The following UBE3A variants were observed in gnomAD, a reference collection of about 807,000 sequenced individuals.
UBE3A encodes ubiquitin-protein ligase E3A.
UBE3A carries 6 observed loss-of-function variants against 83.4 expected under a neutral mutation model. That is an observed-to-expected ratio of 0.07 (90% CI 0.04 to 0.14). UBE3A has a LOEUF of 0.14. UBE3A is among the 10% of genes least tolerant of loss of function. The pLI, the probability that UBE3A is intolerant of heterozygous loss-of-function variation, is 1.00. For missense variants in UBE3A, 456 were observed against 1,036.1 expected (o/e 0.44, Z 7.69); for synonymous variants, 337 against 355.4 (o/e 0.95, Z 0.58).
At chr15:25,409,897 T>G (rs1374233708) in intron 2 of UBE3A, among the ~76,000 whole-genome samples, 1 of 151,274 alleles carries the variant, frequency 6.6e-6, no homozygotes, top group Non-Finnish European at 1.5e-5. Flanking sequence ...TAAAGTCATT[T>G]AACATCAGTC....
chr15:25,373,395 T>C (rs1473329358), intron 5 of UBE3A: 1 of 152,198 alleles, frequency 6.6e-6, no homozygotes, highest in Admixed American at 6.5e-5. Context: ...TGTTGATATG[T>C]CATGCTTTCG....
At chr15:25,381,363 G>C (rs551260595) in intron 4 of UBE3A, among the ~76,000 whole-genome samples, 5 of 152,300 alleles carry the variant, frequency 3.3e-5, no homozygotes, top group African/African-American at 1.2e-4. Context: ...GCCAGAAAGT[G>C]AAGATGTGAC....
intron 4 of UBE3A, among the ~76,000 whole-genome samples, chr15:25,377,403 A>C (rs1375303010): frequency 6.6e-6 from 1 of 152,246 alleles, no homozygotes; most frequent in Non-Finnish European, 1.5e-5. Flanking sequence ...CATAAACATG[A>C]CTTAAAGACA....
intron 4 of UBE3A, among the ~76,000 whole-genome samples, chr15:25,399,090 A>G (rs2086460526): frequency 6.6e-6 from 1 of 151,462 alleles, no homozygotes; most frequent in Non-Finnish European, 1.5e-5. Context: ...TTCCTTATAT[A>G]TTTTGCATAT....
At chr15:25,403,186 G>C (rs1237268517) in intron 4 of UBE3A, among the ~76,000 whole-genome samples, 2 of 152,082 alleles carry the variant, frequency 1.3e-5, no homozygotes, top group African/African-American at 4.8e-5. Context: ...GTCACTCAGT[G>C]GAATGAGATT....
At chr15:25,349,585 C>A (rs2152611918) in intron 11 of UBE3A, among the ~76,000 whole-genome samples, 1 of 152,222 alleles carries the variant, frequency 6.6e-6, no homozygotes, top group South Asian at 2.1e-4. Flanking sequence ...GCAAATAGTA[C>A]TGAACCCTGT....
intron 11 of UBE3A, among the ~76,000 whole-genome samples, chr15:25,353,771 A>C (rs938147657): frequency 6.6e-6 from 1 of 152,162 alleles, no homozygotes; most frequent in African/African-American, 2.4e-5. Context: ...TATGTCTTTC[A>C]GAATTGGATG....
At chr15:25,436,552 G>A (rs1895143959) in intron 1 of UBE3A, among the ~76,000 whole-genome samples, 2 of 152,170 alleles carry the variant, frequency 1.3e-5, no homozygotes, top group South Asian at 4.2e-4. Flanking sequence ...TTTTTTGGAG[G>A]GGAGAGGGAG....
At chr15:25,400,019 T>C (rs545829672) in intron 4 of UBE3A, among the ~76,000 whole-genome samples, 90 of 152,362 alleles carry the variant, frequency 5.9e-4, no homozygotes, top group African/African-American at 2.1e-3. Context: ...TGGTTCCATA[T>C]AAATTTTAGC....
At chr15:25,417,829 T>A (rs1887670628) in intron 1 of UBE3A, 1 of 147,482 alleles carries the variant, frequency 6.8e-6, no homozygotes, top group African/African-American at 2.5e-5. Flanking sequence ...GAAAGAGGAG[T>A]AAAGGTGGTA....
At chr15:25,409,666 T>C (rs1194933793) in intron 2 of UBE3A, among the ~76,000 whole-genome samples, 1 of 152,196 alleles carries the variant, frequency 6.6e-6, no homozygotes, top group Admixed American at 6.5e-5. Flanking sequence ...TGGCTTAGTT[T>C]TGCTATACTG....
intron 1 of UBE3A, among the ~76,000 whole-genome samples, chr15:25,431,500 G>A (rs28536157): frequency 0.028 from 4,272 of 152,084 alleles, 209 homozygotes; most frequent in African/African-American, 0.096. Context: ...GTGCCACCAC[G>A]CCTAGCTAAT....
chr15:25,377,498 A>G (rs937526269), intron 4 of UBE3A, among the ~76,000 whole-genome samples: 4 of 152,212 alleles, frequency 2.6e-5, no homozygotes, highest in African/African-American at 9.6e-5. Context: ...TATGAAAGTG[A>G]AAACATGTAA....
intron 4 of UBE3A, among the ~76,000 whole-genome samples, chr15:25,390,201 T>C (rs1233029969): frequency 1.3e-5 from 2 of 152,156 alleles, no homozygotes; most frequent in Non-Finnish European, 2.9e-5. Context: ...TGGTGAAAAA[T>C]GTAAAAGGAT....
chr15:25,383,002 AC>A (rs1179154548), intron 4 of UBE3A, among the ~76,000 whole-genome samples: 2 of 152,076 alleles, frequency 1.3e-5, no homozygotes, highest in African/African-American at 4.8e-5. Flanking sequence ...AAAACTAACA[AC>A]CCTTCTCAAA....
intron 4 of UBE3A, among the ~76,000 whole-genome samples, chr15:25,398,290 T>C (rs1489948034): frequency 1.3e-5 from 2 of 151,936 alleles, no homozygotes; most frequent in Non-Finnish European, 2.9e-5. Context: ...AATTAATACA[T>C]GCAATACCTC....
rs1328439033 is a variant in UBE3A at position 25,438,813 on chromosome 15, G to C, written c.-489C>G. 6.6e-6 allele frequency: 1 copy of C among 152,588 alleles called. No homozygotes were observed. The allele number at this position is 152,588 out of a possible 1,614,324, so 9.5% of individuals were successfully genotyped here. A position where few individuals can be genotyped will look rare whatever the true frequency, so the allele number is the denominator to read the frequency against. ...CGCCCGCAGCCGAGCGCGCCGGGTC[G>C]GCAGAGGTGAAGCGTAAGTAGGCGG... On this transcript the variant is annotated 5_prime_UTR_variant, in exon 1 of 13. Coordinates refer to ENST00000648336, the MANE Select transcript of UBE3A (RefSeq NM_130839.5).
intron 1 of UBE3A, among the ~76,000 whole-genome samples, chr15:25,412,455 GA>G (rs1179961091): frequency 6.6e-6 from 1 of 152,114 alleles, no homozygotes; most frequent in African/African-American, 2.4e-5. Context: ...TTGTAGCAGA[GA>G]AAATGCGTTA....
chr15:25,400,249 C>G (rs1194886735), intron 4 of UBE3A, among the ~76,000 whole-genome samples: 1 of 152,108 alleles, frequency 6.6e-6, no homozygotes, highest in African/African-American at 2.4e-5. Flanking sequence ...ACAATCATCC[C>G]TCGGTATCTG....
Sources: allele counts gnomAD v4.1 joint callset (sites outside exome capture counted in the v4.1 genomes callset), GRCh38; gene constraint gnomAD v4.1.1; transcripts MANE v1.5; gene names NCBI Gene and HGNC (gene_info 2026-07-23, HGNC 2026-07-21).